ARHGEF28: variants seen among roughly 807,000 people sequenced by gnomAD.
The protein encoded by ARHGEF28 is 190 kDa guanine nucleotide exchange factor.
ARHGEF28 carries 152 observed loss-of-function variants against 206.6 expected under a neutral mutation model. The observed-to-expected ratio is 0.74, with a 90% CI of 0.64 to 0.84. The LOEUF is 0.84. Among genes scored for constraint, ARHGEF28 ranks in the 40% least tolerant of loss-of-function variants. The pLI is 0.00. For synonymous variants in ARHGEF28, 763 were observed against 776.4 expected (o/e 0.98, Z 0.29); for missense variants, 2,028 against 2,073.2 (o/e 0.98, Z 0.42).
chr5:73,880,470 A>T (rs1760846586), intron 22 of ARHGEF28, among the ~76,000 whole-genome samples: 1 of 152,142 alleles, frequency 6.6e-6, no homozygotes, highest in Non-Finnish European at 1.5e-5. Context: ...CCCTAGTGAG[A>T]TGAACCCGGT....
intron 7 of ARHGEF28, among the ~76,000 whole-genome samples, chr5:73,782,403 ATTCCAGCCTG>A (rs1753902649): frequency 6.6e-6 from 1 of 152,208 alleles, no homozygotes; most frequent in Admixed American, 6.5e-5. Flanking sequence ...GCGCCACTGC[ATTCCAGCCTG>A]GGTGACACAG....
chr5:73,916,912 A>G (rs6867509), intron 35 of ARHGEF28, among the ~76,000 whole-genome samples: 3 of 152,230 alleles, frequency 2.0e-5, no homozygotes, highest in African/African-American at 7.2e-5. Flanking sequence ...ATAATTACAT[A>G]ATAATAAAAT....
chr5:73,866,341 A>G (rs1006405182), intron 18 of ARHGEF28, among the ~76,000 whole-genome samples: 2 of 152,258 alleles, frequency 1.3e-5, no homozygotes, highest in African/African-American at 4.8e-5. Flanking sequence ...TTCAAGGAAA[A>G]GAGAAATACT....
At chr5:73,632,566 G>A (rs1743436247) in intron 1 of ARHGEF28, among the ~76,000 whole-genome samples, 1 of 152,124 alleles carries the variant, frequency 6.6e-6, no homozygotes, top group Non-Finnish European at 1.5e-5. Context: ...TCTGCTATGT[G>A]GAGGCCATTC....
chr5:73,720,936 T>C (rs1031083479), intron 2 of ARHGEF28, among the ~76,000 whole-genome samples: 2 of 152,216 alleles, frequency 1.3e-5, no homozygotes, highest in Non-Finnish European at 2.9e-5. Flanking sequence ...CTGTTCAAAA[T>C]AACGGCTTAT....
At chr5:73,842,038 A>G (rs1424381372) in intron 11 of ARHGEF28, among the ~76,000 whole-genome samples, 2 of 152,190 alleles carry the variant, frequency 1.3e-5, no homozygotes, top group East Asian at 3.8e-4. Context: ...ATATGATTAC[A>G]TATATTAGTG....
intron 4 of ARHGEF28, among the ~76,000 whole-genome samples, chr5:73,754,660 A>C (rs569686927): frequency 6.6e-6 from 1 of 152,236 alleles, no homozygotes; most frequent in South Asian, 2.1e-4. Context: ...AATGTGCTGC[A>C]CATTTTAAAT....
chr5:73,922,483 G>A (rs1580108228), intron 35 of ARHGEF28, among the ~76,000 whole-genome samples: 1 of 152,232 alleles, frequency 6.6e-6, no homozygotes, highest in South Asian at 2.1e-4. Flanking sequence ...TGGAATCTGC[G>A]TGTTCAGGAT....
chr5:73,773,732 T>G, intron 4 of ARHGEF28, 123 bp from the exon 5 acceptor site: 1 of 997,348 alleles, frequency 1.0e-6, no homozygotes, highest in Non-Finnish European at 1.4e-6. Flanking sequence ...TTGGGTGCCA[T>G]TGTTAATTTC....
intron 35 of ARHGEF28, among the ~76,000 whole-genome samples, chr5:73,937,403 G>T (rs533583563): frequency 6.6e-6 from 1 of 152,268 alleles, no homozygotes; most frequent in Non-Finnish European, 1.5e-5. Context: ...GTTTAGTCAG[G>T]CTTTGGGGCT....
At chr5:73,931,917 G>C (rs1459492954) in intron 35 of ARHGEF28, among the ~76,000 whole-genome samples, 2 of 152,196 alleles carry the variant, frequency 1.3e-5, no homozygotes, top group African/African-American at 2.4e-5. Flanking sequence ...CATTTAGTAA[G>C]TACTCCATAC....
At chr5:73,645,284 G>C (rs917823535) in intron 1 of ARHGEF28, among the ~76,000 whole-genome samples, 1 of 152,094 alleles carries the variant, frequency 6.6e-6, no homozygotes, top group East Asian at 1.9e-4. Flanking sequence ...TCTAGTAGCT[G>C]GGACTGCAGA....
chr5:73,821,741 G>C (rs1409885584), intron 9 of ARHGEF28, among the ~76,000 whole-genome samples: 1 of 152,090 alleles, frequency 6.6e-6, no homozygotes, highest in African/African-American at 2.4e-5. Context: ...AGGCCTTGGA[G>C]AACTGCATCA....
intron 9 of ARHGEF28, among the ~76,000 whole-genome samples, chr5:73,807,470 G>A (rs1395636133): frequency 6.6e-6 from 1 of 151,530 alleles, no homozygotes; most frequent in African/African-American, 2.4e-5. Flanking sequence ...AATGGTGGAA[G>A]CTTTGACAAT....
chr5:73,861,467 C>G (rs958222749), intron 16 of ARHGEF28, among the ~76,000 whole-genome samples: 1 of 152,176 alleles, frequency 6.6e-6, no homozygotes, highest in Non-Finnish European at 1.5e-5. Flanking sequence ...GAGCCTTGCT[C>G]TGTTGCCCAG....
At chr5:73,848,254 A>G (rs17732772) in intron 12 of ARHGEF28, among the ~76,000 whole-genome samples, 16,242 of 152,214 alleles carry the variant, frequency 0.11, 1,019 homozygotes, top group East Asian at 0.24. Flanking sequence ...TGATCTTGCC[A>G]TCTTGCATTT....
rs185529406 is a variant in ARHGEF28, at chr5:73,810,377, A to G, written c.1024+14986A>G. Among the ~76,000 whole-genome samples, 130 of 152,374 alleles carry G rather than the reference A, an allele frequency of 8.5e-4. 2 individuals are homozygous for G. Among genetic ancestry groups the G allele is most frequent in the African/African-American group, 3.1e-3 (127 of 41,592 alleles). On this transcript the variant is annotated intron_variant, in intron 9 of 35. Transcript: ENST00000513042. The stretch of plus-strand genomic sequence containing the variant: ...GAATCACTTGATATGTAACTGGTCA[A>G]CAAGGACTGCATTTGGAAGAATAAG...
At chr5:73,654,110 C>T (rs1745018128) in intron 1 of ARHGEF28, among the ~76,000 whole-genome samples, 1 of 152,116 alleles carries the variant, frequency 6.6e-6, no homozygotes. Flanking sequence ...GCTTAAGCAT[C>T]CTAGTCATGT....
intron 4 of ARHGEF28, among the ~76,000 whole-genome samples, chr5:73,756,834 A>G (rs1443914138): frequency 1.3e-5 from 2 of 152,224 alleles, no homozygotes; most frequent in Non-Finnish European, 2.9e-5. Flanking sequence ...GGTAGAAGGA[A>G]AACGTGGAGT....
Sources: gnomAD v4.1 joint callset for allele counts (sites outside exome capture counted in the v4.1 genomes callset) on GRCh38, gnomAD v4.1.1 for gene constraint, MANE v1.5 for transcripts, NCBI Gene and HGNC (gene_info 2026-07-23, HGNC 2026-07-21) for gene names.